The following MIPOL1 variants were observed in gnomAD, a reference collection of about 807,000 sequenced individuals.
MIPOL1 encodes the protein mirror-image polydactyly gene 1 protein.
In MIPOL1, 57 loss-of-function variants were observed where a neutral mutation model predicts 60.9. That is an observed-to-expected ratio of 0.94 (90% CI 0.76 to 1.17). MIPOL1 has a LOEUF of 1.17. MIPOL1 is among the 50% of genes most tolerant of loss of function. The pLI, the probability that MIPOL1 is intolerant of heterozygous loss-of-function variation, is 0.00. For synonymous variants in MIPOL1, 179 were observed against 168.8 expected, an observed-to-expected ratio of 1.06 and a Z score of -0.47; for missense variants, 551 against 511.6, an observed-to-expected ratio of 1.08 and a Z score of -0.74.
intron 1 of MIPOL1, among the ~76,000 whole-genome samples, chr14:37,228,268 GAC>G (rs1970060009): frequency 6.6e-6 from 1 of 150,870 alleles, no homozygotes; most frequent in Non-Finnish European, 1.5e-5. Flanking sequence ...CAAGACAGTT[GAC>G]ACAGATTTCT....
chr14:37,490,507 ACTC>A (rs1251120715), intron 11 of MIPOL1, among the ~76,000 whole-genome samples: 4 of 150,886 alleles, frequency 2.7e-5, no homozygotes, highest in African/African-American at 9.7e-5. Context: ...TAGAAAAAAA[ACTC>A]CTGCAGCTAG....
At chr14:37,348,983 C>CTTTTTTTT (rs11347957) in intron 9 of MIPOL1, among the ~76,000 whole-genome samples, 3 of 74,138 alleles carry the variant, frequency 4.0e-5, no homozygotes, top group Non-Finnish European at 6.6e-5. Flanking sequence ...CCAGCTAATT[C>CTTTTTTTT]TTTTTTTTTT....
intron 12 of MIPOL1, among the ~76,000 whole-genome samples, chr14:37,542,944 T>C (rs2095535128): frequency 1.3e-5 from 2 of 152,172 alleles, no homozygotes; most frequent in Non-Finnish European, 2.9e-5. Context: ...ATCCCCACTT[T>C]TACGTCCTAC....
At position 37,214,102 on chromosome 14, in the gene MIPOL1, G is replaced by A. The variant is rs183020840; in HGVS notation, c.-199+15998G>A. 1.8e-3 allele frequency among the ~76,000 whole-genome samples: 278 copies of A among 152,218 alleles called. 1 individual carries two copies. Among genetic ancestry groups the A allele is most frequent in the South Asian group, 0.011 (53 of 4,802 alleles). ...GGGAGTACTTTAATTAGAATGAAAA[G>A]GATATTAATGAGTAATAAATAATTG... On this transcript the variant is annotated intron_variant, in intron 1 of 12. Transcript: ENST00000684589.
intron 6 of MIPOL1, among the ~76,000 whole-genome samples, chr14:37,282,238 ATATTATTATTATTAT>A (rs71124802): frequency 1.4e-5 from 2 of 146,396 alleles, no homozygotes; most frequent in Admixed American, 6.9e-5. Flanking sequence ...TATTGCAGTA[ATATTATTATTATTAT>A]TATTATTATT....
At chr14:37,231,802 G>A (rs929102922) in intron 1 of MIPOL1, among the ~76,000 whole-genome samples, 3 of 152,158 alleles carry the variant, frequency 2.0e-5, no homozygotes, top group Non-Finnish European at 2.9e-5. Flanking sequence ...CCTACAGGCC[G>A]GGAGTAGTGG....
At chr14:37,204,853 A>G (rs1965833605) in intron 1 of MIPOL1, among the ~76,000 whole-genome samples, 1 of 152,124 alleles carries the variant, frequency 6.6e-6, no homozygotes, top group African/African-American at 2.4e-5. Flanking sequence ...AATAGTTTGG[A>G]GGGCTCAGAA....
At chr14:37,237,464 G>T (rs1271753381) in intron 1 of MIPOL1, among the ~76,000 whole-genome samples, 3 of 151,970 alleles carry the variant, frequency 2.0e-5, no homozygotes, top group African/African-American at 7.3e-5. Flanking sequence ...GTAAACCTTT[G>T]ACTATTTTCT....
At chr14:37,397,694 G>C (rs2093401487) in intron 10 of MIPOL1, among the ~76,000 whole-genome samples, 1 of 152,144 alleles carries the variant, frequency 6.6e-6, no homozygotes, top group African/African-American at 2.4e-5. Flanking sequence ...CAATGGAGTT[G>C]TGTACCTAGG....
intron 10 of MIPOL1, among the ~76,000 whole-genome samples, chr14:37,415,232 C>T (rs920195493): frequency 2.0e-5 from 3 of 152,064 alleles, no homozygotes; most frequent in Non-Finnish European, 4.4e-5. Context: ...GTTTGGATGG[C>T]ATCTTAAAAT....
At chr14:37,331,733 T>G (rs1190300770) in intron 9 of MIPOL1, among the ~76,000 whole-genome samples, 1 of 152,214 alleles carries the variant, frequency 6.6e-6, no homozygotes, top group Admixed American at 6.5e-5. Flanking sequence ...TTTCAATTCT[T>G]TCTTTCCAGT....
intron 7 of MIPOL1, among the ~76,000 whole-genome samples, chr14:37,306,844 TAA>T (rs2086826873): frequency 1.3e-5 from 2 of 151,858 alleles, no homozygotes; most frequent in Non-Finnish European, 3.0e-5. Context: ...GAAAAAAAGA[TAA>T]GAGATGAAAG....
intron 3 of MIPOL1, 37 bp from the exon 4 acceptor site, chr14:37,266,901 T>C (rs1337197938): frequency 2.2e-6 from 3 of 1,370,104 alleles, no homozygotes; most frequent in Non-Finnish European, 3.1e-6. Context: ...GTTATGGTGT[T>C]TAATATATCA....
At position 37,255,849 on chromosome 14, in the gene MIPOL1, TTTTATA is replaced by T. The variant is rs1182986752; in HGVS notation, c.19+7948_19+7953del. ...TTATTTTCAAAAATTGTATTTAAAC[TTTTATA>T]TTTATCTTTTGACAGATTCTAGTTT... On this transcript the variant is annotated intron_variant, in intron 3 of 12. Transcript: ENST00000684589. Among the ~76,000 whole-genome samples, 3 of 150,736 alleles carry T rather than the reference TTTTATA, an allele frequency of 2.0e-5. No individual in the cohort carries two copies. The East Asian group carries it at 5.8e-4, about 29-fold the overall frequency.
chr14:37,316,535 G>T (rs968743502), intron 9 of MIPOL1, among the ~76,000 whole-genome samples: 4 of 150,730 alleles, frequency 2.7e-5, no homozygotes, highest in South Asian at 2.1e-4. Flanking sequence ...TCCCCCTCCT[G>T]TAATGTAGGC....
intron 1 of MIPOL1, among the ~76,000 whole-genome samples, chr14:37,218,453 G>T (rs1968135897): frequency 6.6e-6 from 1 of 151,984 alleles, no homozygotes; most frequent in African/African-American, 2.4e-5. Context: ...CTCCCAAAGT[G>T]CTGGGATCAC....
chr14:37,346,086 T>G (rs2090926003), intron 9 of MIPOL1, among the ~76,000 whole-genome samples: 1 of 152,090 alleles, frequency 6.6e-6, no homozygotes, highest in Admixed American at 6.5e-5. Flanking sequence ...TCCCAGCACT[T>G]TGGGAGGCTG....
chr14:37,356,896 C>G (rs1038353003), intron 9 of MIPOL1, among the ~76,000 whole-genome samples: 1 of 152,138 alleles, frequency 6.6e-6, no homozygotes. Flanking sequence ...AGCTGTAGAC[C>G]GGAGCTGTTT....
At chr14:37,268,278 T>A (rs2083029796) in intron 4 of MIPOL1, among the ~76,000 whole-genome samples, 2 of 152,134 alleles carry the variant, frequency 1.3e-5, no homozygotes, top group South Asian at 4.1e-4. Flanking sequence ...AAGGTGTAGG[T>A]TGGAGTCCCT....
Sources: gnomAD v4.1 joint callset for allele counts (sites outside exome capture counted in the v4.1 genomes callset) on GRCh38, gnomAD v4.1.1 for gene constraint, MANE v1.5 for transcripts, NCBI Gene and HGNC (gene_info 2026-07-23, HGNC 2026-07-21) for gene names.